DOK5: variants seen among roughly 807,000 people sequenced by gnomAD.
The protein encoded by DOK5 is downstream of tyrosine kinase 5.
DOK5 carries 27 observed loss-of-function variants against 43.3 expected under a neutral mutation model. That is an observed-to-expected ratio of 0.62 (90% CI 0.46 to 0.86). The LOEUF is 0.86. Ranked by LOEUF, DOK5 falls within the 40% of genes least tolerant of loss-of-function variation. The probability of loss-of-function intolerance (pLI) is 0.00; values close to 1 mark genes in which losing one functional copy is unlikely to be tolerated. For missense variants in DOK5, 373 were observed against 392.9 expected (o/e 0.95, Z 0.43); for synonymous variants, 146 against 140.1 (o/e 1.04, Z -0.30).
intron 1 of DOK5, among the ~76,000 whole-genome samples, chr20:54,518,110 T>A (rs1393152412): frequency 6.6e-6 from 1 of 152,180 alleles, no homozygotes; most frequent in African/African-American, 2.4e-5. Flanking sequence ...GCTACTATCA[T>A]AATCCCTATT....
At chr20:54,590,802 T>A (rs1200881261) in intron 4 of DOK5, among the ~76,000 whole-genome samples, 1 of 152,200 alleles carries the variant, frequency 6.6e-6, no homozygotes, top group Non-Finnish European at 1.5e-5. Flanking sequence ...GATGCATAGG[T>A]GGAAATATGT....
At position 54,570,876 on chromosome 20, in the gene DOK5, T is replaced by C. The variant is rs78405668; in HGVS notation, c.174+15836T>C. Among the ~76,000 whole-genome samples, 661 of 152,364 alleles carry C rather than the reference T, an allele frequency of 4.3e-3. 4 individuals are homozygous for C. The highest frequency in any genetic ancestry group is 0.015 in the African/African-American group (635 of 41,596). ...GAAAATTGAATTGTGTAATTTGCAATGGTTTTCCAAGTTGTTAATGCAAAA... is the reference window on the plus strand; with the variant it reads ...GAAAATTGAATTGTGTAATTTGCAACGGTTTTCCAAGTTGTTAATGCAAAA... On this transcript the variant is annotated intron_variant, in intron 2 of 7. Coordinates refer to ENST00000262593, the MANE Select transcript of DOK5 (RefSeq NM_018431.5).
At chr20:54,492,776 A>G (rs1982237651) in intron 1 of DOK5, among the ~76,000 whole-genome samples, 2 of 151,844 alleles carry the variant, frequency 1.3e-5, no homozygotes, top group African/African-American at 4.8e-5. Context: ...GTTCTTGGCC[A>G]GGTGCGGTGG....
chr20:54,490,208 G>C (rs1013341833), intron 1 of DOK5, among the ~76,000 whole-genome samples: 1 of 152,080 alleles, frequency 6.6e-6, no homozygotes, highest in African/African-American at 2.4e-5. Flanking sequence ...CTGGGAAATG[G>C]CTCAATGGAA....
intron 2 of DOK5, among the ~76,000 whole-genome samples, chr20:54,582,423 G>T (rs73624118): frequency 2.0e-5 from 3 of 151,652 alleles, no homozygotes; most frequent in Non-Finnish European, 3.0e-5. Flanking sequence ...AAGAGGTTGA[G>T]AAGAATTTGC....
At chr20:54,564,707 T>G (rs1404400789) in intron 2 of DOK5, among the ~76,000 whole-genome samples, 1 of 152,334 alleles carries the variant, frequency 6.6e-6, no homozygotes, top group Non-Finnish European at 1.5e-5. Flanking sequence ...TTGTAACATC[T>G]ACGGGGGCAG....
intron 1 of DOK5, among the ~76,000 whole-genome samples, chr20:54,553,050 T>C (rs1290702393): frequency 6.6e-6 from 1 of 152,224 alleles, no homozygotes; most frequent in African/African-American, 2.4e-5. Flanking sequence ...ATAAAATTTA[T>C]TTATAGGTCA....
chr20:54,547,405 G>C (rs573326552), intron 1 of DOK5, among the ~76,000 whole-genome samples: 3 of 152,222 alleles, frequency 2.0e-5, no homozygotes, highest in African/African-American at 7.2e-5. Context: ...AACAGTCCTT[G>C]AATCCTTTAG....
intron 1 of DOK5, among the ~76,000 whole-genome samples, chr20:54,496,776 A>G (rs1370332931): frequency 6.6e-6 from 1 of 151,698 alleles, no homozygotes. Flanking sequence ...AAAAAAAAAA[A>G]AAAAAAAAAA....
intron 5 of DOK5, among the ~76,000 whole-genome samples, chr20:54,594,180 G>T (rs1883726511): frequency 6.6e-6 from 1 of 151,854 alleles, no homozygotes; most frequent in Non-Finnish European, 1.5e-5. Flanking sequence ...AAGAAAATAA[G>T]AATACCTATT....
Position 54,475,975 on chromosome 20 carries a change from A to G in DOK5, c.29A>G (p.Lys10Arg), listed in dbSNP as rs778468129. MASNFNDIVKQGYVRIRSRR... is the reference protein window; with the variant it reads MASNFNDIVRQGYVRIRSRR... ...GCTTCCAATTTTAATGACATAGTGAAGCAAGGGTACGTGAGGATCCGGAGC... is the reference window on the plus strand; with the variant it reads ...GCTTCCAATTTTAATGACATAGTGAGGCAAGGGTACGTGAGGATCCGGAGC... Residue 10 changes from lysine to arginine, a missense_variant, in exon 1 of 8, where the codon AAG becomes AGG. Transcript: ENST00000262593. The surrounding 1 kb of genome is among the most constrained non-coding windows in gnomAD (Gnocchi z 4.2). The G allele has an allele frequency of 3.1e-6, 5 of 1,613,402 alleles. No individual in the cohort carries two copies. In the African/African-American group the frequency reaches 6.7e-5, roughly 22 times the overall value.
chr20:54,611,615 G>A (rs1485077493), intron 6 of DOK5, among the ~76,000 whole-genome samples: 1 of 152,038 alleles, frequency 6.6e-6, no homozygotes, highest in Non-Finnish European at 1.5e-5. Context: ...TTTAAGGAGG[G>A]TAAATTCATG....
At chr20:54,633,536 T>A (rs1297619356) in intron 6 of DOK5, among the ~76,000 whole-genome samples, 1 of 152,158 alleles carries the variant, frequency 6.6e-6, no homozygotes, top group Non-Finnish European at 1.5e-5. Flanking sequence ...GAAGATATGA[T>A]TAGAATTGGA....
At chr20:54,573,104 C>T (rs1306878279) in intron 2 of DOK5, among the ~76,000 whole-genome samples, 2 of 151,922 alleles carry the variant, frequency 1.3e-5, no homozygotes, top group African/African-American at 4.8e-5. Flanking sequence ...TGATAAATGC[C>T]AAAGAGAAAA....
chr20:54,551,721 G>A (rs1471471741), intron 1 of DOK5, among the ~76,000 whole-genome samples: 3 of 152,078 alleles, frequency 2.0e-5, no homozygotes. Context: ...ATTGCTTGAT[G>A]GATTTAATAA....
At chr20:54,481,050 T>TATCTATCATCTATCTATC (rs1568746373) in intron 1 of DOK5, among the ~76,000 whole-genome samples, 1 of 117,840 alleles carries the variant, frequency 8.5e-6, no homozygotes, top group African/African-American at 4.4e-5. Context: ...ATCTATCATC[T>TATCTATCATCTATCTATC]GTCTATCATC....
chr20:54,644,966 C>T (rs1477787746), intron 7 of DOK5, among the ~76,000 whole-genome samples: 3 of 140,302 alleles, frequency 2.1e-5, no homozygotes, highest in South Asian at 2.4e-4. Flanking sequence ...TTATGTTATG[C>T]GCCTTTGTGG....
intron 6 of DOK5, among the ~76,000 whole-genome samples, chr20:54,641,813 T>TA (rs1206873243): frequency 6.6e-6 from 1 of 152,206 alleles, no homozygotes; most frequent in African/African-American, 2.4e-5. Flanking sequence ...TGCCAAGTAT[T>TA]ACATTGTGCC....
At chr20:54,579,980 T>C (rs1186135334) in intron 2 of DOK5, among the ~76,000 whole-genome samples, 1 of 152,080 alleles carries the variant, frequency 6.6e-6, no homozygotes, top group Non-Finnish European at 1.5e-5. Context: ...CCTCCCTGTG[T>C]CCATGTGTTA....
Sources: allele counts gnomAD v4.1 joint callset (sites outside exome capture counted in the v4.1 genomes callset), GRCh38; gene constraint gnomAD v4.1.1; non-coding constraint Gnocchi (gnomAD v3.1); transcripts MANE v1.5; gene names NCBI Gene and HGNC (gene_info 2026-07-23, HGNC 2026-07-21).